The following PRKG1 variants were observed in gnomAD, a reference collection of about 807,000 sequenced individuals.
The protein encoded by PRKG1 is cGMP-dependent protein kinase 1.
PRKG1 carries 35 observed loss-of-function variants against 88.1 expected under a neutral mutation model. That is an observed-to-expected ratio of 0.40 (90% CI 0.30 to 0.53). The LOEUF is 0.53. PRKG1 is among the 20% of genes least tolerant of loss of function. The pLI is 0.59. For missense variants in PRKG1, 540 were observed against 839.8 expected (o/e 0.64, Z 4.41); for synonymous variants, 303 against 292.5 (o/e 1.04, Z -0.37).
At chr10:52,185,651 C>T (rs776536839) in intron 9 of PRKG1, among the ~76,000 whole-genome samples, 9 of 152,192 alleles carry the variant, frequency 5.9e-5, no homozygotes, top group Non-Finnish European at 8.8e-5. Flanking sequence ...TCTGTGAGGG[C>T]TTCACTCCTG....
intron 1 of PRKG1, among the ~76,000 whole-genome samples, chr10:51,064,564 C>T (rs16913035): frequency 0.014 from 2,064 of 151,960 alleles, 37 homozygotes; most frequent in Non-Finnish European, 0.018. Flanking sequence ...CTCATAGGAA[C>T]GGCTTGTCTT....
intron 2 of PRKG1, among the ~76,000 whole-genome samples, chr10:51,444,925 G>A (rs950938498): frequency 9.9e-5 from 15 of 151,876 alleles, no homozygotes; most frequent in African/African-American, 3.6e-4. Flanking sequence ...TTGGGACTGG[G>A]TTAAAAAAAT....
Position 51,330,470 on chromosome 10 carries a change from T to A in PRKG1, c.479-137253T>A, listed in dbSNP as rs115839446. On this transcript the variant is annotated intron_variant, in intron 2 of 17. Coordinates refer to ENST00000373980, the MANE Select transcript of PRKG1 (RefSeq NM_006258.4). ...CCGGCCACGTTCTCTCTTTTGATGC[T>A]GTTCCATACATCTTGTAAGCTAGAA... Among the ~76,000 whole-genome samples the A allele has an allele frequency of 3.2e-3, 484 of 152,324 alleles. 4 individuals carry two copies. The highest frequency in any genetic ancestry group is 0.011 in the African/African-American group (454 of 41,586).
intron 2 of PRKG1, among the ~76,000 whole-genome samples, chr10:51,375,117 G>A (rs962165552): frequency 6.6e-6 from 1 of 152,094 alleles, no homozygotes; most frequent in African/African-American, 2.4e-5. Flanking sequence ...TACTTACATT[G>A]GAAGAGAGGG....
chr10:51,626,163 G>A lies in PRKG1; in HGVS notation c.592+158327G>A, dbSNP rs1589140802. 2.0e-5 allele frequency among the ~76,000 whole-genome samples: 3 copies of A among 152,142 alleles called. No homozygotes were observed. In the South Asian group the frequency reaches 6.2e-4, roughly 32 times the overall value. On this transcript the variant is annotated intron_variant, in intron 3 of 17. Transcript: ENST00000373980. ...GTAGAAATGTTTACTACGATTGTGG[G>A]AATGACTGGGTAACCACTTTTCATG...
intron 4 of PRKG1, among the ~76,000 whole-genome samples, chr10:51,829,292 G>A (rs1229277187): frequency 6.6e-6 from 1 of 152,100 alleles, no homozygotes; most frequent in Non-Finnish European, 1.5e-5. Context: ...TGTCACTTCT[G>A]TATTTTATTC....
chr10:51,043,717 G>C lies in PRKG1; in HGVS notation c.266+52073G>C, dbSNP rs189154686. 2.7e-3 allele frequency among the ~76,000 whole-genome samples: 410 copies of C among 152,074 alleles called. 1 individual carries two copies. Among genetic ancestry groups the C allele is most frequent in the African/African-American group, 9.2e-3 (383 of 41,476 alleles). On this transcript the variant is annotated intron_variant, in intron 1 of 17. Coordinates refer to the PRKG1 transcript ENST00000401604. The stretch of plus-strand genomic sequence containing the variant: ...TATCTGTTTGCTTTTTTTTCTCACT[G>C]TTTTATCCCATAGCACAGTACATGG...
chr10:51,164,342 C>G (rs1846464829), intron 2 of PRKG1, among the ~76,000 whole-genome samples: 2 of 152,242 alleles, frequency 1.3e-5, no homozygotes, highest in African/African-American at 4.8e-5. Flanking sequence ...AGGGTCCTGT[C>G]TGTTAGAAGG....
intron 7 of PRKG1, among the ~76,000 whole-genome samples, chr10:52,101,599 C>T (rs188286848): frequency 1.7e-4 from 26 of 152,272 alleles, no homozygotes; most frequent in Non-Finnish European, 2.6e-4. Flanking sequence ...GGGCCAAGTA[C>T]TTATCTAAAT....
rs368849666 is a variant in PRKG1, at chr10:52,061,451, A to G, written c.841-1086A>G. 2.0e-4 allele frequency among the ~76,000 whole-genome samples: 30 copies of G among 152,214 alleles called. No homozygotes were observed. The East Asian group carries it at 5.2e-3, about 26-fold the overall frequency. ...GAATTTTAACTAACCTTTCTGGATG[A>G]CACATAGACAGTTTTGTGAATGTTA... is the stretch of plus-strand genomic sequence containing the variant. On this transcript the variant is annotated intron_variant, in intron 6 of 17. Coordinates refer to ENST00000373980, the MANE Select transcript of PRKG1 (RefSeq NM_006258.4).
At chr10:52,286,410 A>G (rs1025307623) in intron 14 of PRKG1, among the ~76,000 whole-genome samples, 10 of 152,090 alleles carry the variant, frequency 6.6e-5, no homozygotes, top group Non-Finnish European at 1.3e-4. Context: ...CAAAAACACT[A>G]CTATTCAATC....
At chr10:51,158,928 A>G (rs1846288647) in intron 2 of PRKG1, among the ~76,000 whole-genome samples, 1 of 150,370 alleles carries the variant, frequency 6.7e-6, no homozygotes, top group African/African-American at 2.5e-5. Flanking sequence ...ATCTACTCTC[A>G]AAAGACTAGA....
intron 5 of PRKG1, among the ~76,000 whole-genome samples, chr10:51,930,177 T>A (rs75582758): frequency 6.6e-6 from 1 of 152,172 alleles, no homozygotes; most frequent in Non-Finnish European, 1.5e-5. Context: ...GTGAGGCATT[T>A]AGAATAGTTA....
chr10:51,014,411 T>C (rs1843031700), intron 1 of PRKG1, among the ~76,000 whole-genome samples: 2 of 151,990 alleles, frequency 1.3e-5, no homozygotes, highest in South Asian at 4.2e-4. Flanking sequence ...TTTTTATGAA[T>C]CAGAGTTGTC....
chr10:51,393,986 G>A (rs1195716696), intron 2 of PRKG1, among the ~76,000 whole-genome samples: 1 of 152,158 alleles, frequency 6.6e-6, no homozygotes, highest in African/African-American at 2.4e-5. Context: ...AGAAATTCAA[G>A]TACAGGAGTA....
chr10:51,397,383 C>G (rs1453472268), intron 2 of PRKG1, among the ~76,000 whole-genome samples: 1 of 152,040 alleles, frequency 6.6e-6, no homozygotes, highest in African/African-American at 2.4e-5. Context: ...TAGCCTATGA[C>G]CTATAAATCA....
chr10:51,002,756 T>C (rs1435190137), intron 1 of PRKG1, among the ~76,000 whole-genome samples: 2 of 152,212 alleles, frequency 1.3e-5, no homozygotes, highest in Non-Finnish European at 2.9e-5. Context: ...AGAAATGTAC[T>C]TATTTTGGTC....
intron 2 of PRKG1, among the ~76,000 whole-genome samples, chr10:51,338,089 A>G (rs1211987295): frequency 6.6e-6 from 1 of 151,920 alleles, no homozygotes; most frequent in Non-Finnish European, 1.5e-5. Context: ...AGCAGCCATT[A>G]TCCTCAGCAA....
Position 51,794,656 on chromosome 10 carries a change from ATGAGGTAT to A in PRKG1, c.593-9926_593-9919del, listed in dbSNP as rs543793906. ...TTCTCACCACAAAAATGATGACTAT[ATGAGGTAT>A]TGCAATTGTTAATTAGTTAGATTTA... On this transcript the variant is annotated intron_variant, in intron 3 of 17. Transcript: ENST00000373980. Among the ~76,000 whole-genome samples the A allele has an allele frequency of 3.9e-5, 6 of 152,252 alleles. No homozygotes were observed. The South Asian group carries it at 1.2e-3, about 32-fold the overall frequency.
Sources: gnomAD v4.1 joint callset for allele counts (sites outside exome capture counted in the v4.1 genomes callset) on GRCh38, gnomAD v4.1.1 for gene constraint, MANE v1.5 for transcripts, NCBI Gene and HGNC (gene_info 2026-07-23, HGNC 2026-07-21) for gene names.